The following EPS8L2 variants were observed in gnomAD, a reference collection of about 807,000 sequenced individuals.
EPS8L2 encodes the protein epidermal growth factor receptor kinase substrate 8-like protein 2.
In EPS8L2, 81 loss-of-function variants were observed where a neutral mutation model predicts 99.4. The observed-to-expected ratio is 0.82, with a 90% CI of 0.68 to 0.98. The LOEUF (loss-of-function observed/expected upper bound fraction) is 0.98, where lower values mean the gene tolerates loss of function less well. Ranked by LOEUF, EPS8L2 falls within the 50% of genes least tolerant of loss-of-function variation. The probability of loss-of-function intolerance (pLI) is 0.00; values close to 1 mark genes in which losing one functional copy is unlikely to be tolerated. For missense variants in EPS8L2, 1,155 were observed against 968.8 expected (o/e 1.19, Z -2.55); for synonymous variants, 509 against 407.3 (o/e 1.25, Z -3.01).
At chr11:722,069 G>C (rs370700821) in intron 11 of EPS8L2, 22 bp from the exon 12 acceptor site, 675 of 1,612,318 alleles carry the variant, frequency 4.2e-4, no homozygotes, top group Middle Eastern at 8.3e-4. Context: ...CCCGGCACCT[G>C]CTCACTTGTT....
chr11:711,942 C>T (rs1861901556), intron 4 of EPS8L2, among the ~76,000 whole-genome samples: 3 of 151,772 alleles, frequency 2.0e-5, no homozygotes, highest in Non-Finnish European at 4.4e-5. Context: ...GAGATCACAC[C>T]ACTGCACTCC....
rs759901579 is a variant in EPS8L2 at position 709,455 on chromosome 11, A to T, written c.44+4A>T. On this transcript the variant is annotated splice_donor_region_variant and intron_variant, in intron 2 of 20. Coordinates refer to ENST00000318562, the MANE Select transcript of EPS8L2 (RefSeq NM_022772.4). ...GCTGCTGCCCGGGTGCCACCAAGTG[A>T]GCCCTCCCACCCATCCCGAATACCC... 7.5e-6 allele frequency: 12 copies of T among 1,592,362 alleles called. No individual in the cohort carries two copies. In the Admixed American group the frequency reaches 2.1e-4, roughly 27 times the overall value.
chr11:722,868 C>T, intron 14 of EPS8L2, 63 bp downstream of exon 14: 2 of 1,145,118 alleles, frequency 1.7e-6, no homozygotes, highest in South Asian at 1.5e-5. Flanking sequence ...ACCAGAGCTC[C>T]CCCCCAGCCC....
chr11:720,752 G>A lies in EPS8L2; in HGVS notation c.477+6G>A. 1.9e-6 allele frequency: 3 copies of A among 1,543,488 alleles called. No individual in the cohort carries two copies. The South Asian group carries it at 3.7e-5, about 19-fold the overall frequency. On this transcript the variant is annotated splice_donor_region_variant and intron_variant, in intron 6 of 20. Coordinates refer to ENST00000318562, the MANE Select transcript of EPS8L2 (RefSeq NM_022772.4). ...TCCACTGCGATGAGGTGGAGGTGAG[G>A]CGGTGCCGGGCGGGGCAGGGTGGGG...
At chr11:722,048 C>G in intron 11 of EPS8L2, 43 bp from the exon 12 acceptor site, 1 of 1,603,840 alleles carries the variant, frequency 6.2e-7, no homozygotes, top group Admixed American at 1.7e-5. Flanking sequence ...AGGGTGGAGG[C>G]CCCGCCCCGC....
At chr11:706,418 G>A (rs1792507214) in intron 1 of EPS8L2, 130 bp downstream of exon 1, 1 of 152,712 alleles carries the variant, frequency 6.5e-6, no homozygotes, top group Non-Finnish European at 1.5e-5. Context: ...CACTTGGAGG[G>A]CGGCCGGGCC....
rs571334701 is a variant in EPS8L2 at position 707,573 on chromosome 11, T to C, written c.-79+1285T>C. ...TGCAGCCTGGGCCTCCAGGGCTTCG[T>C]CCCCACCACCAGTGGGCCAAAGAAG... is the stretch of plus-strand genomic sequence containing the variant. On this transcript the variant is annotated intron_variant, in intron 1 of 20. Coordinates refer to ENST00000318562, the MANE Select transcript of EPS8L2 (RefSeq NM_022772.4). Among the ~76,000 whole-genome samples the C allele has an allele frequency of 3.9e-5, 6 of 152,194 alleles. No homozygotes were observed. In the East Asian group the frequency reaches 1.2e-3, roughly 30 times the overall value.
At chr11:711,784 G>C (rs1267552213) in intron 4 of EPS8L2, among the ~76,000 whole-genome samples, 1 of 152,040 alleles carries the variant, frequency 6.6e-6, no homozygotes, top group Admixed American at 6.6e-5. Context: ...AGGAGTTTGA[G>C]ACCAGCCTGA....
At position 724,370 on chromosome 11, in the gene EPS8L2, C is replaced by G. The variant is rs560406209; in HGVS notation, c.1455-354C>G. Among the ~76,000 whole-genome samples the G allele has an allele frequency of 6.6e-6, 1 of 152,186 alleles. No individual in the cohort carries two copies. The highest frequency in any genetic ancestry group is 1.5e-5 in the Non-Finnish European group (1 of 68,024). On this transcript the variant is annotated intron_variant, in intron 15 of 20. Coordinates refer to ENST00000318562, the MANE Select transcript of EPS8L2 (RefSeq NM_022772.4). This position sits in a 1 kb window ranked among gnomAD's most constrained non-coding sequence, Gnocchi z 5.5. ...CATGCTGGCCCTCACTGGCCAGCTGCGGGGAGCTGTGACCCTGGCGTTTCC... is the reference window on the plus strand; with the variant it reads ...CATGCTGGCCCTCACTGGCCAGCTGGGGGGAGCTGTGACCCTGGCGTTTCC...
rs1033064926 is a variant in EPS8L2 at position 710,360 on chromosome 11, C to G, written c.101-62C>G. ...CCACCTTCCCTTGTGGGTCCAGTCC[C>G]AACTGGACGGGAGGCTGTGGGTCCT... On this transcript the variant is annotated intron_variant, in intron 3 of 20. Transcript: ENST00000318562. 5 of 1,519,400 alleles carry G rather than the reference C, an allele frequency of 3.3e-6. No homozygotes were observed. In the African/African-American group the frequency reaches 6.8e-5, roughly 21 times the overall value. 94.1% of individuals were successfully genotyped at this position (1,519,400 alleles called of 1,614,324 possible).
rs929914406 is a variant in EPS8L2, at chr11:726,897, C to T, written c.2068-4C>T. ...CTGAGGATGCCCCCATTTCTCCTCC[C>T]TAGAAGCAGCAAAGTGGGTCGGAGC... On this transcript the variant is annotated splice_region_variant and splice_polypyrimidine_tract_variant and intron_variant, in intron 20 of 20. Transcript: ENST00000318562. The T allele has an allele frequency of 3.1e-6, 5 of 1,612,198 alleles. No homozygotes were observed. The Admixed American group carries it at 6.7e-5, about 22-fold the overall frequency.
chr11:720,985 G>GGGAGGGGAGGAGCCCGGCA lies in EPS8L2; in HGVS notation c.558-77_558-76insAGGGGAGGAGCCCGGCAGG, dbSNP rs200537412. On this transcript the variant is annotated intron_variant, in intron 7 of 20. Coordinates refer to ENST00000318562, the MANE Select transcript of EPS8L2 (RefSeq NM_022772.4). ...CGGCAGGGGAGGGGAGGAGCCGGCA[G>GGGAGGGGAGGAGCCCGGCA]GGGAGGGGAGGAGCCCGGCAGGGAG... is the stretch of plus-strand genomic sequence containing the variant. The GGGAGGGGAGGAGCCCGGCA allele has an allele frequency of 1.5e-5, 20 of 1,372,608 alleles. 1 individual carries two copies. The highest frequency in any genetic ancestry group is 3.9e-5 in the South Asian group (3 of 76,988). 85.0% of individuals were successfully genotyped at this position (1,372,608 alleles called of 1,614,324 possible).
intron 10 of EPS8L2, 81 bp downstream of exon 10, chr11:721,772 G>A: frequency 6.5e-7 from 1 of 1,542,228 alleles, no homozygotes; most frequent in Non-Finnish European, 8.9e-7. Context: ...GACGGGGCCA[G>A]GGACATCCAT....
rs1564981057 is a variant in EPS8L2 at position 726,964 on chromosome 11, AG to A, written c.2137del (p.Glu713ArgfsTer114). The A allele has an allele frequency of 2.5e-6, 4 of 1,613,118 alleles. No individual in the cohort carries two copies. The highest frequency in any genetic ancestry group is 3.4e-6 in the Non-Finnish European group (4 of 1,179,774). On this transcript the variant is annotated frameshift_variant, in exon 21 of 21. Coordinates refer to ENST00000318562, the MANE Select transcript of EPS8L2 (RefSeq NM_022772.4). LOFTEE classifies it high-confidence loss of function. ...MNKFHSMNQR[R>X]GEDS Reference sequence around the variant, plus strand: ...CAAGTTTCATTCCATGAATCAGAGGAGGGGGGAGGACAGCTAGGCCCAGCTG... The same window carrying A: ...CAAGTTTCATTCCATGAATCAGAGGAGGGGGAGGACAGCTAGGCCCAGCTG...
At chr11:709,065 C>T (rs1417819136) in intron 1 of EPS8L2, 2 of 364,848 alleles carry the variant, frequency 5.5e-6, no homozygotes, top group African/African-American at 4.3e-5. Context: ...GCCTTCTGCC[C>T]CCAGGGCCCT....
At position 710,439 on chromosome 11, in the gene EPS8L2, T is replaced by C; in HGVS notation, c.118T>C (p.Ser40Pro). 6.2e-7 allele frequency: 1 copy of C among 1,613,586 alleles called. No individual in the cohort carries two copies. Among genetic ancestry groups the C allele is most frequent in the African/African-American group, 1.3e-5 (1 of 74,988 alleles). Reference sequence around the variant, plus strand: ...CGGTTCAGAGCAGAGGAAGAAGTATTCCAACTCCAACGTCATCATGCACGA... The same window carrying C: ...CGGTTCAGAGCAGAGGAAGAAGTATCCCAACTCCAACGTCATCATGCACGA... Reference protein sequence around the residue: ...KDLFEQRKKYSNSNVIMHETS... With the variant: ...KDLFEQRKKYPNSNVIMHETS... Residue 40 changes from serine to proline, a missense_variant, in exon 4 of 21, where the codon TCC (serine) becomes CCC (proline). Physicochemically the swap from Ser to Pro is moderately conservative, Grantham distance 74. Transcript: ENST00000318562.
At chr11:707,744 G>A (rs1861765424) in intron 1 of EPS8L2, among the ~76,000 whole-genome samples, 1 of 152,042 alleles carries the variant, frequency 6.6e-6, no homozygotes, top group African/African-American at 2.4e-5. Context: ...GGCAACCGAA[G>A]GCCAGGAACC....
Position 721,867 on chromosome 11 carries a change from G to A in EPS8L2, c.896-36G>A, listed in dbSNP as rs780249720. On this transcript the variant is annotated intron_variant, in intron 10 of 20. Coordinates refer to ENST00000318562, the MANE Select transcript of EPS8L2 (RefSeq NM_022772.4). ...GAAGGCGCAGGGGCCGGGGAGATCA[G>A]GGCCAGCCTGGCTCACGCGGTGCCT... 5 of 1,562,308 alleles carry A rather than the reference G, an allele frequency of 3.2e-6. No homozygotes were observed. In the East Asian group the frequency reaches 1.2e-4, roughly 37 times the overall value.
At chr11:711,409 G>T (rs1011659743) in intron 4 of EPS8L2, among the ~76,000 whole-genome samples, 1 of 151,906 alleles carries the variant, frequency 6.6e-6, no homozygotes, top group Admixed American at 6.6e-5. Flanking sequence ...GCAGTGGTGC[G>T]ATCTTGGCTC....
Sources: gnomAD v4.1 joint callset for allele counts (sites outside exome capture counted in the v4.1 genomes callset) on GRCh38, gnomAD v4.1.1 for gene constraint, Gnocchi (gnomAD v3.1) non-coding constraint, MANE v1.5 for transcripts, NCBI Gene and HGNC (gene_info 2026-07-23, HGNC 2026-07-21) for gene names.